Variants in DGKK observed in about 807,000 individuals in gnomAD.
DGKK encodes 142 kDa diacylglycerol kinase.
A neutral mutation model predicts 92.2 loss-of-function variants in DGKK; 35 were observed. The observed-to-expected ratio is 0.38, with a 90% confidence interval of 0.29 to 0.50. The LOEUF (loss-of-function observed/expected upper bound fraction) is 0.50. Ranked by LOEUF, DGKK falls within the 20% of genes least tolerant of loss-of-function variation. The pLI is 0.92. For missense variants in DGKK, 910 were observed against 992.2 expected, an observed-to-expected ratio of 0.92 and a Z score of 1.11; for synonymous variants, 368 against 360.6, an observed-to-expected ratio of 1.02 and a Z score of -0.23.
At chrX:50,437,365 C>T (rs782707088) in intron 1 of DGKK, among the ~76,000 whole-genome samples, 7 of 111,272 alleles carry the variant, frequency 6.3e-5, no homozygotes, top group Admixed American at 9.5e-5. Context: ...TCCCTGCAGG[C>T]AAAAACACCA....
intron 1 of DGKK, among the ~76,000 whole-genome samples, chrX:50,455,492 T>C (rs1557232799): frequency 8.9e-6 from 1 of 112,129 alleles, no homozygotes; most frequent in East Asian, 2.8e-4. Flanking sequence ...AAAAGAGAAG[T>C]ATTTTCATAC....
intron 1 of DGKK, among the ~76,000 whole-genome samples, chrX:50,434,648 G>T (rs1175589786): frequency 9.1e-6 from 1 of 109,811 alleles, no homozygotes; most frequent in Non-Finnish European, 1.9e-5. Context: ...TCTTGAAGGG[G>T]ACCATGTACT....
chrX:50,449,961 G>T (rs1397530809), intron 1 of DGKK, among the ~76,000 whole-genome samples: 2 of 111,822 alleles, frequency 1.8e-5, no homozygotes, highest in Non-Finnish European at 3.8e-5. Context: ...GGCACACATT[G>T]TTGTCCTTTA....
intron 15 of DGKK, among the ~76,000 whole-genome samples, chrX:50,385,862 C>T (rs1185957519): frequency 2.7e-5 from 3 of 112,000 alleles, no homozygotes; most frequent in African/African-American, 9.7e-5. Context: ...TGCAGACTGT[C>T]GTGAGTTCTG....
chrX:50,430,621 G>A (rs1925863445), intron 1 of DGKK, among the ~76,000 whole-genome samples: 1 of 111,228 alleles, frequency 9.0e-6, no homozygotes, highest in African/African-American at 3.3e-5. Context: ...CACACAAAAT[G>A]GTCTTTGCCA....
intron 4 of DGKK, among the ~76,000 whole-genome samples, chrX:50,417,655 G>T (rs189684028): frequency 9.0e-6 from 1 of 110,512 alleles, no homozygotes; most frequent in East Asian, 2.8e-4. Flanking sequence ...CCCTAACTCA[G>T]TATCCACACT....
At chrX:50,458,348 G>A (rs1372763440) in intron 1 of DGKK, among the ~76,000 whole-genome samples, 2 of 109,833 alleles carry the variant, frequency 1.8e-5, no homozygotes, top group Non-Finnish European at 3.8e-5. Context: ...CATTCTATGG[G>A]TCTATAATAC....
chrX:50,440,079 T>A, intron 1 of DGKK, among the ~76,000 whole-genome samples: 1 of 111,754 alleles, frequency 8.9e-6, no homozygotes, highest in South Asian at 3.8e-4. Context: ...TGTTTATTAT[T>A]AAAACATCGA....
chrX:50,366,045 G>A lies in DGKK; in HGVS notation c.*2895C>T, dbSNP rs1214808995. 3 of 111,670 alleles carry A rather than the reference G, an allele frequency of 2.7e-5. No homozygotes were observed. Among genetic ancestry groups the A allele is most frequent in the Non-Finnish European group, 3.8e-5 (2 of 53,197 alleles). 9.2% of individuals were successfully genotyped at this position (111,670 alleles called of 1,213,427 possible). ...GCCTACCCAACCAATTCGTCAGAAAGTGCTACCAAAGATACAACCAAACCC... is the reference window on the plus strand; with the variant it reads ...GCCTACCCAACCAATTCGTCAGAAAATGCTACCAAAGATACAACCAAACCC... On this transcript the variant is annotated 3_prime_UTR_variant, in exon 28 of 28. Transcript: ENST00000611977.
chrX:50,382,468 T>C, intron 18 of DGKK, 28 bp downstream of exon 18: 1 of 1,061,465 alleles, frequency 9.4e-7, no homozygotes, highest in Non-Finnish European at 1.3e-6. Flanking sequence ...TGTGTTTGCA[T>C]GTAGGGAAGG....
chrX:50,410,898 GC>G (rs1304120000), intron 4 of DGKK, among the ~76,000 whole-genome samples: 26 of 111,504 alleles, frequency 2.3e-4, no homozygotes, highest in East Asian at 2.0e-3. Context: ...GGTAGTACCA[GC>G]AGGGCTAGGT....
intron 1 of DGKK, among the ~76,000 whole-genome samples, chrX:50,435,248 G>C (rs1052121512): frequency 1.8e-5 from 2 of 112,432 alleles, no homozygotes; most frequent in Admixed American, 9.4e-5. Flanking sequence ...CAGCAAAACA[G>C]AGAAACTCAA....
At position 50,460,110 on chromosome X, in the gene DGKK, T is replaced by A. The variant is rs782182535; in HGVS notation, c.645+9924A>T. 3.6e-5 allele frequency among the ~76,000 whole-genome samples: 4 copies of A among 111,878 alleles called. No homozygotes were observed. The South Asian group carries it at 1.5e-3, about 42-fold the overall frequency. On this transcript the variant is annotated intron_variant, in intron 1 of 27. Transcript: ENST00000611977. ...TCTTAGAGTTGGGGTTCAGAGGACA[T>A]CACCATGATGCTGGAGCTGACTTCA...
Position 50,376,099 on chromosome X carries a change from A to C in DGKK, c.3339T>G (p.Ala1113=). Residue 1113 remains alanine (A), a synonymous_variant, in exon 24 of 28, where the codon GCT becomes GCG. Transcript: ENST00000611977. ...CGTAAAATATATCATTCAGGATGTT[A>C]GCGCTGGCATTCACAGAACCCATGA... is the stretch of plus-strand genomic sequence containing the variant. ...SVLMGSVNAS[A]NILNDIFYGQ... 1 of 1,211,202 alleles carries C rather than the reference A, an allele frequency of 8.3e-7. No homozygotes were observed. Among genetic ancestry groups the C allele is most frequent in the Non-Finnish European group, 1.1e-6 (1 of 895,152 alleles).
chrX:50,401,238 GTATT>G, intron 7 of DGKK, 99 bp from the exon 8 acceptor site: 1 of 764,164 alleles, frequency 1.3e-6, no homozygotes. Flanking sequence ...TAGATTCTTA[GTATT>G]TAATCTCCCT....
Position 50,433,198 on chromosome X carries a change from T to C in DGKK, c.646-8840A>G, listed in dbSNP as rs1925931758. 3.6e-5 allele frequency among the ~76,000 whole-genome samples: 4 copies of C among 112,277 alleles called. No homozygotes were observed. The South Asian group carries it at 1.5e-3, about 42-fold the overall frequency. The stretch of plus-strand genomic sequence containing the variant: ...AGCTCTGGTCTATGTTAGTTCAAAG[T>C]CTGTGTTCATGCCACAAAACTGGCC... On this transcript the variant is annotated intron_variant, in intron 1 of 27. Coordinates refer to ENST00000611977, the MANE Select transcript of DGKK (RefSeq NM_001013742.4).
At chrX:50,407,500 A>AAG (rs782138606) in intron 4 of DGKK, among the ~76,000 whole-genome samples, 13 of 108,889 alleles carry the variant, frequency 1.2e-4, no homozygotes, top group Non-Finnish European at 1.7e-4. Flanking sequence ...AGAAGAAAGA[A>AAG]AGAGAGAGAG....
chrX:50,431,594 C>A (rs1185093235), intron 1 of DGKK, among the ~76,000 whole-genome samples: 1 of 111,600 alleles, frequency 9.0e-6, no homozygotes, highest in Non-Finnish European at 1.9e-5. Context: ...CTGAGAAGGC[C>A]AGCTTTCTGT....
chrX:50,470,560 G>A lies in DGKK; in HGVS notation c.119C>T (p.Pro40Leu), dbSNP rs1236238852. Residue 40 changes from proline (P) to leucine (L), a missense_variant, in exon 1 of 28, where the codon CCG becomes CTG. Transcript: ENST00000611977. ...WPPPPPPPAP[P>L]PAPPLLSEAS... ...CTCGGAGAGCAGCGGCGGAGCCGGCGGCGGAGCCGGTGGTGGTGGCGGCGG... is the reference window on the plus strand; with the variant it reads ...CTCGGAGAGCAGCGGCGGAGCCGGCAGCGGAGCCGGTGGTGGTGGCGGCGG... 12 of 1,204,986 alleles carry A rather than the reference G, an allele frequency of 1.0e-5. No individual in the cohort carries two copies. The highest frequency in any genetic ancestry group is 1.3e-5 in the Non-Finnish European group (12 of 893,778).
Sources: allele counts gnomAD v4.1 joint callset (sites outside exome capture counted in the v4.1 genomes callset), GRCh38; gene constraint gnomAD v4.1.1; transcripts MANE v1.5; gene names NCBI Gene and HGNC (gene_info 2026-07-23, HGNC 2026-07-21).